Variants in SH2D2A observed in about 807,000 individuals in gnomAD.
SH2D2A encodes SH2 domain containing 2A.
A neutral mutation model predicts 43.6 loss-of-function variants in SH2D2A; 33 were observed. The ratio of observed to expected loss-of-function variants is 0.76; its 90% CI spans 0.57 to 1.01. SH2D2A has a LOEUF of 1.01. Ranked by LOEUF, SH2D2A falls within the 50% of genes least tolerant of loss-of-function variation. The pLI, the probability that SH2D2A is intolerant of heterozygous loss-of-function variation, is 0.00. For missense variants in SH2D2A, 491 were observed against 503.1 expected (o/e 0.98, Z 0.23); for synonymous variants, 212 against 206.1 (o/e 1.03, Z -0.25).
Position 156,815,142 on chromosome 1 carries a change from A to C in SH2D2A, c.203T>G (p.Leu68Arg), listed in dbSNP as rs1413232504. The C allele has an allele frequency of 1.9e-6, 3 of 1,608,400 alleles. No individual in the cohort carries two copies. Among genetic ancestry groups the C allele is most frequent in the Non-Finnish European group, 2.5e-6 (3 of 1,177,616 alleles). Residue 68 changes from leucine (L) to arginine (R), a missense_variant, in exon 3 of 9, where the codon CTG (leucine) becomes CGG (arginine). By Grantham distance (102) the Leu-to-Arg change is moderately radical. Transcript: ENST00000368199. ...AGCCCGGGTCTCGGCCTGCAGGAAC[A>C]GGCTTCCTTCTCCAGGCACCTCCTC... ...RAEEVPGEGS[L>R]FLQAETRAWF...
chr1:156,814,010 C>T lies in SH2D2A; in HGVS notation c.405G>A (p.Arg135=). The change falls in exon 5 of 9, where the codon CGG becomes CGA. Residue 135 remains arginine (R), a synonymous_variant. Transcript: ENST00000368199. The part of the protein sequence containing the change: ...AVTFVLTYRS[R]TCCRHFLLAQ... ...CCAGCAGGAAGTGGCGGCAGCAAGT[C>T]CGGCTCCTGGAGGGCGCCGTTAGGG... 6.6e-7 allele frequency: 1 copy of T among 1,510,656 alleles called. No homozygotes were observed. Among genetic ancestry groups the T allele is most frequent in the Non-Finnish European group, 8.9e-7 (1 of 1,128,978 alleles). 93.6% of individuals were successfully genotyped at this position (1,510,656 alleles called of 1,614,324 possible).
At chr1:156,813,107 C>T (rs1231770385) in intron 5 of SH2D2A, among the ~76,000 whole-genome samples, 1 of 152,188 alleles carries the variant, frequency 6.6e-6, no homozygotes, top group Non-Finnish European at 1.5e-5. Context: ...GTTCATGGGT[C>T]TGTTCTCAGG....
chr1:156,814,709 G>T, intron 3 of SH2D2A: 1 of 400,460 alleles, frequency 2.5e-6, no homozygotes, highest in Non-Finnish European at 4.4e-6. Flanking sequence ...AGAGAGGGCT[G>T]GGAGATAAAG....
chr1:156,815,490 G>A lies in SH2D2A; in HGVS notation c.124-269C>T, dbSNP rs1653811522. ...AGTGAGCTGTCACACTGTGCTCTAG[G>A]AGGGGCGGGAAAGGCAGCACAGCCT... On this transcript the variant is annotated intron_variant, in intron 2 of 8. Transcript: ENST00000368199. 3 of 592,732 alleles carry A rather than the reference G, an allele frequency of 5.1e-6. No individual in the cohort carries two copies. The African/African-American group carries it at 5.6e-5, about 11-fold the overall frequency. 36.7% of individuals were successfully genotyped at this position (592,732 alleles called of 1,614,324 possible).
rs1161797096 is a variant in SH2D2A at position 156,807,461 on chromosome 1, ACTC to A, written c.1003-119_1003-117del. On this transcript the variant is annotated intron_variant, in intron 7 of 8. Coordinates refer to ENST00000368199, the MANE Select transcript of SH2D2A (RefSeq NM_003975.4). The surrounding 1 kb of genome is among the most constrained non-coding windows in gnomAD (Gnocchi z 5.1). ...TTTGGCTTCCAGAGAGGGTATCTAA[ACTC>A]CTCTCATTCATTAATTCAACAAACA... The A allele has an allele frequency of 6.3e-6, 5 of 798,538 alleles. No individual in the cohort carries two copies. Among genetic ancestry groups the A allele is most frequent in the Non-Finnish European group, 9.5e-6 (5 of 525,032 alleles). 49.5% of individuals were successfully genotyped at this position (798,538 alleles called of 1,614,324 possible). A position where few individuals can be genotyped will look rare whatever the true frequency, so the allele number is the denominator to read the frequency against.
intron 7 of SH2D2A, among the ~76,000 whole-genome samples, chr1:156,808,464 C>T (rs1178443433): frequency 1.3e-5 from 2 of 152,030 alleles, no homozygotes; most frequent in African/African-American, 2.4e-5. Context: ...GGACAGCAGA[C>T]GTTGGCAGGG....
chr1:156,808,891 C>T (rs947455353), intron 7 of SH2D2A, among the ~76,000 whole-genome samples: 11 of 152,152 alleles, frequency 7.2e-5, no homozygotes, highest in Admixed American at 3.3e-4. Context: ...ACAAGATGGA[C>T]GCAGATCAAA....
At chr1:156,808,168 G>A (rs1049296922) in intron 7 of SH2D2A, among the ~76,000 whole-genome samples, 1 of 152,126 alleles carries the variant, frequency 6.6e-6, no homozygotes, top group Non-Finnish European at 1.5e-5. Context: ...CTGGAGCTGG[G>A]GGAAGGAAAA....
At chr1:156,816,494 A>C (rs993501546) in intron 1 of SH2D2A, among the ~76,000 whole-genome samples, 181 bp downstream of exon 1, 2 of 152,174 alleles carry the variant, frequency 1.3e-5, no homozygotes, top group Non-Finnish European at 1.5e-5. Context: ...CTTTATCCTC[A>C]GGGATGAGTG....
At chr1:156,815,810 G>A in intron 2 of SH2D2A, 196 bp downstream of exon 2, 1 of 1,614,148 alleles carries the variant, frequency 6.2e-7, no homozygotes, top group Non-Finnish European at 8.5e-7. Context: ...CAGTAAGGGA[G>A]TGAGTGGGCA....
intron 5 of SH2D2A, among the ~76,000 whole-genome samples, chr1:156,811,670 T>C (rs942771567): frequency 1.3e-5 from 2 of 152,196 alleles, no homozygotes; most frequent in African/African-American, 2.4e-5. Context: ...TCAAACCTAG[T>C]ATCAATTCCA....
At position 156,816,752 on chromosome 1, in the gene SH2D2A, T is replaced by G; in HGVS notation, c.-44A>C. 3 of 1,549,898 alleles carry G rather than the reference T, an allele frequency of 1.9e-6. No homozygotes were observed. Among genetic ancestry groups the G allele is most frequent in the Non-Finnish European group, 2.6e-6 (3 of 1,148,268 alleles). ...GATCCCAGAGCAGGGTGTGTGTATG[T>G]GTTCCGGAAAGGTGTGCACACTCAG... On this transcript the variant is annotated 5_prime_UTR_variant, in exon 1 of 9. Coordinates refer to ENST00000368199, the MANE Select transcript of SH2D2A (RefSeq NM_003975.4).
chr1:156,811,869 A>G (rs987104972), intron 5 of SH2D2A, among the ~76,000 whole-genome samples: 2 of 152,092 alleles, frequency 1.3e-5, no homozygotes, highest in African/African-American at 4.8e-5. Context: ...CTTCCGAGTG[A>G]GATTTCTCCC....
At chr1:156,808,587 C>T (rs1653148702) in intron 7 of SH2D2A, among the ~76,000 whole-genome samples, 1 of 151,670 alleles carries the variant, frequency 6.6e-6, no homozygotes, top group African/African-American at 2.4e-5. Context: ...TTGGGAGGGC[C>T]GCAGAGGCCG....
At position 156,814,185 on chromosome 1, in the gene SH2D2A, C is replaced by G; in HGVS notation, c.398+20G>C. 2 of 1,612,304 alleles carry G rather than the reference C, an allele frequency of 1.2e-6. No homozygotes were observed. Among genetic ancestry groups the G allele is most frequent in the Non-Finnish European group, 1.7e-6 (2 of 1,179,532 alleles). ...CCGAGCCCCGCCTTGTGTCGCCCGG[C>G]GCGGGGCCTCGCCCCTCACCTGTAA... On this transcript the variant is annotated intron_variant, in intron 4 of 8. Transcript: ENST00000368199.
chr1:156,814,149 C>T (rs1211965827), intron 4 of SH2D2A, 56 bp downstream of exon 4: 5 of 1,604,390 alleles, frequency 3.1e-6, no homozygotes, highest in Non-Finnish European at 3.4e-6. Context: ...CAGACCCAAG[C>T]CCCGCCCCTC....
chr1:156,813,316 G>A (rs1653554896), intron 5 of SH2D2A, among the ~76,000 whole-genome samples: 2 of 152,176 alleles, frequency 1.3e-5, no homozygotes, highest in African/African-American at 4.8e-5. Context: ...ACAGGGATGG[G>A]AAAGTAAGTA....
intron 5 of SH2D2A, among the ~76,000 whole-genome samples, chr1:156,811,366 C>T (rs1440563556): frequency 6.6e-6 from 1 of 152,212 alleles, no homozygotes. Context: ...TACAGAAACT[C>T]CCCTAGCAAT....
At chr1:156,816,654 A>G in intron 1 of SH2D2A, 21 bp downstream of exon 1, 3 of 1,599,298 alleles carry the variant, frequency 1.9e-6, no homozygotes, top group Non-Finnish European at 2.6e-6. Context: ...TCCCACCCAT[A>G]TCCTTCAACT....
Sources: allele counts gnomAD v4.1 joint callset (sites outside exome capture counted in the v4.1 genomes callset), GRCh38; gene constraint gnomAD v4.1.1; non-coding constraint Gnocchi (gnomAD v3.1); transcripts MANE v1.5; gene names NCBI Gene and HGNC (gene_info 2026-07-23, HGNC 2026-07-21).